The following PCDH15 variants were observed in gnomAD, a reference collection of about 807,000 sequenced individuals.
PCDH15 encodes the protein protocadherin related 15.
Under a neutral mutation model 178.5 loss-of-function variants are expected in PCDH15, and 129 were observed. That is an observed-to-expected ratio of 0.72 (90% CI 0.63 to 0.84). PCDH15 has a LOEUF of 0.84. Ranked by LOEUF, PCDH15 falls within the 40% of genes least tolerant of loss-of-function variation. The pLI, the probability that PCDH15 is intolerant of heterozygous loss-of-function variation, is 0.00. For synonymous variants in PCDH15, 800 were observed against 732.0 expected (o/e 1.09, Z -1.50); for missense variants, 2,230 against 2,099.9 (o/e 1.06, Z -1.21).
At chr10:54,071,878 T>G (rs956284405) in intron 17 of PCDH15, among the ~76,000 whole-genome samples, 1 of 152,144 alleles carries the variant, frequency 6.6e-6, no homozygotes, top group Non-Finnish European at 1.5e-5. Flanking sequence ...CTATATATTC[T>G]CAGAAATAAT....
At chr10:55,172,206 C>A (rs758703841) in intron 1 of PCDH15, among the ~76,000 whole-genome samples, 7 of 151,888 alleles carry the variant, frequency 4.6e-5, no homozygotes, top group South Asian at 2.1e-4. Flanking sequence ...TAATAGGGAA[C>A]CTTGACTGAC....
intron 3 of PCDH15, among the ~76,000 whole-genome samples, chr10:54,405,906 T>A (rs1480894061): frequency 2.0e-5 from 3 of 152,016 alleles, no homozygotes; most frequent in African/African-American, 7.2e-5. Context: ...AGTGTATTGT[T>A]TCACAATTTT....
intron 1 of PCDH15, among the ~76,000 whole-genome samples, chr10:55,290,468 T>A (rs1158098407): frequency 2.0e-5 from 3 of 152,122 alleles, no homozygotes; most frequent in Non-Finnish European, 4.4e-5. Context: ...TACACAGCAT[T>A]TTTTATTGTG....
At chr10:54,245,604 T>C (rs1056084274) in intron 8 of PCDH15, among the ~76,000 whole-genome samples, 3 of 152,014 alleles carry the variant, frequency 2.0e-5, no homozygotes, top group African/African-American at 7.2e-5. Flanking sequence ...GAAAATAAGG[T>C]AAATGATTAC....
chr10:54,418,058 A>AGCCACTGTGCCCAGCCACAATT (rs1378455649), intron 3 of PCDH15, among the ~76,000 whole-genome samples: 4 of 152,142 alleles, frequency 2.6e-5, no homozygotes, highest in Admixed American at 6.6e-5. Flanking sequence ...GCAGGTGCCC[A>AGCCACTGTGCCCAGCCACAATT]GCCACTGTGC....
At chr10:54,733,218 G>T (rs1197271119) in intron 1 of PCDH15, among the ~76,000 whole-genome samples, 1 of 151,518 alleles carries the variant, frequency 6.6e-6, no homozygotes, top group Non-Finnish European at 1.5e-5. Flanking sequence ...GATTATCTAT[G>T]TAGAAAATAT....
At chr10:54,330,357 T>G (rs1412269189) in intron 6 of PCDH15, among the ~76,000 whole-genome samples, 1 of 151,938 alleles carries the variant, frequency 6.6e-6, no homozygotes, top group Non-Finnish European at 1.5e-5. Flanking sequence ...CTGTACAGCA[T>G]GTCACTGTAC....
intron 10 of PCDH15, among the ~76,000 whole-genome samples, chr10:54,204,818 C>T (rs899285859): frequency 6.6e-6 from 1 of 151,936 alleles, no homozygotes; most frequent in East Asian, 1.9e-4. Context: ...AAAGATGGAC[C>T]CCAAAAGTAA....
At chr10:54,641,465 G>T (rs1165377239) in intron 2 of PCDH15, among the ~76,000 whole-genome samples, 1 of 151,854 alleles carries the variant, frequency 6.6e-6, no homozygotes, top group Non-Finnish European at 1.5e-5. Context: ...GCCCCTTTAG[G>T]ATGTTTATAT....
chr10:55,092,312 G>A (rs1420177885), intron 2 of PCDH15, among the ~76,000 whole-genome samples: 1 of 151,768 alleles, frequency 6.6e-6, no homozygotes, highest in African/African-American at 2.4e-5. Flanking sequence ...GTAAAGCTAT[G>A]TCTCCTCAGG....
rs193257593 is a variant in PCDH15 at position 54,861,126 on chromosome 10, A to G, written c.-29+36324T>C. 9.2e-5 allele frequency among the ~76,000 whole-genome samples: 14 copies of G among 152,246 alleles called. No individual in the cohort carries two copies. The East Asian group carries it at 2.5e-3, about 27-fold the overall frequency. ...CTTATACTATCATTCTCCTTTAAAG[A>G]TTTTGAAATTCAGTCTCCCTTGTAA... On this transcript the variant is annotated intron_variant, in intron 3 of 5. Coordinates refer to the PCDH15 transcript ENST00000458638.
intron 2 of PCDH15, among the ~76,000 whole-genome samples, chr10:54,596,546 C>G (rs1167801328): frequency 6.6e-6 from 1 of 152,118 alleles, no homozygotes; most frequent in African/African-American, 2.4e-5. Context: ...AGCAACCAAA[C>G]AAGTCAGCAT....
chr10:54,834,076 T>C (rs1953271194), intron 3 of PCDH15, among the ~76,000 whole-genome samples: 1 of 152,178 alleles, frequency 6.6e-6, no homozygotes, highest in South Asian at 2.1e-4. Flanking sequence ...AATTTCTTCA[T>C]CTATAAAATG....
At chr10:54,192,158 G>GAA (rs776486092) in intron 11 of PCDH15, among the ~76,000 whole-genome samples, 1 of 65,888 alleles carries the variant, frequency 1.5e-5, no homozygotes, top group Non-Finnish European at 2.5e-5. Flanking sequence ...GAAAGAAAAA[G>GAA]AAAGAAAGAA....
intron 3 of PCDH15, among the ~76,000 whole-genome samples, chr10:54,496,629 T>A (rs889101227): frequency 6.6e-6 from 1 of 152,264 alleles, no homozygotes; most frequent in Admixed American, 6.5e-5. Context: ...CCAATTGTGA[T>A]AGGATGCCCA....
At chr10:54,367,270 G>T (rs745958947) in intron 5 of PCDH15, among the ~76,000 whole-genome samples, 45 of 152,180 alleles carry the variant, frequency 3.0e-4, no homozygotes, top group Non-Finnish European at 2.2e-4. Flanking sequence ...AAGCTTGAAG[G>T]TCTGCCAGAA....
At chr10:54,475,451 C>T (rs1169592803) in intron 3 of PCDH15, among the ~76,000 whole-genome samples, 1 of 151,898 alleles carries the variant, frequency 6.6e-6, no homozygotes, top group East Asian at 1.9e-4. Context: ...TTCTTACTTG[C>T]AAGATCCCTA....
At chr10:55,531,625 T>G (rs1027351274) in intron 2 of PCDH15, among the ~76,000 whole-genome samples, 4 of 152,158 alleles carry the variant, frequency 2.6e-5, no homozygotes, top group Admixed American at 2.6e-4. Context: ...AAGAAGATAT[T>G]TCCTTGATAA....
intron 2 of PCDH15, among the ~76,000 whole-genome samples, chr10:55,140,975 C>T (rs139868967): frequency 0.01 from 1,545 of 152,008 alleles, 20 homozygotes; most frequent in Admixed American, 0.017. Context: ...TGTGTCCTTT[C>T]CTTTCTTCAT....
Sources: gnomAD v4.1 joint callset for allele counts (sites outside exome capture counted in the v4.1 genomes callset) on GRCh38, gnomAD v4.1.1 for gene constraint, MANE v1.5 for transcripts, NCBI Gene and HGNC (gene_info 2026-07-23, HGNC 2026-07-21) for gene names.